MIER3: variants seen among roughly 807,000 people sequenced by gnomAD.
MIER3 encodes the protein MIER family member 3, also known as mesoderm induction early response protein 3.
In MIER3, 9 loss-of-function variants were observed where a neutral mutation model predicts 63.2. That is an observed-to-expected ratio of 0.14 (90% CI 0.09 to 0.25). MIER3 has a LOEUF of 0.25. Among genes scored for constraint, MIER3 ranks in the 10% least tolerant of loss-of-function variants. The probability of loss-of-function intolerance (pLI) is 1.00; values close to 1 mark genes in which losing one functional copy is unlikely to be tolerated. For missense variants in MIER3, 512 were observed against 666.2 expected, an observed-to-expected ratio of 0.77 and a Z score of 2.55; for synonymous variants, 205 against 224.9, an observed-to-expected ratio of 0.91 and a Z score of 0.79.
At position 56,939,368 on chromosome 5, in the gene MIER3, T is replaced by C. The variant is rs996974966; in HGVS notation, c.181-351A>G. Among the ~76,000 whole-genome samples the C allele has an allele frequency of 6.6e-5, 10 of 152,216 alleles. No homozygotes were observed. The East Asian group carries it at 1.9e-3, about 29-fold the overall frequency. ...ATTTCCAATTAATCAATCAATAACT[T>C]GTAATTCACAGCTTCTTTCCTTGCA... On this transcript the variant is annotated intron_variant, in intron 3 of 12. Transcript: ENST00000381199.
At chr5:56,935,404 A>G in intron 7 of MIER3, 24 bp downstream of exon 7, 1 of 1,544,132 alleles carries the variant, frequency 6.5e-7, no homozygotes, top group Non-Finnish European at 8.7e-7. Context: ...ACCAAACATT[A>G]TCAAAATCAA....
chr5:56,950,550 G>T, intron 2 of MIER3, 78 bp downstream of exon 2: 1 of 1,437,862 alleles, frequency 7.0e-7, no homozygotes, highest in Non-Finnish European at 9.7e-7. Flanking sequence ...CATTTCTATT[G>T]GGAATCCTTT....
chr5:56,925,314 A>C, intron 10 of MIER3: 1 of 454,558 alleles, frequency 2.2e-6, no homozygotes, highest in Non-Finnish European at 4.4e-6. Context: ...GGAAGAAATA[A>C]AACTGTCTCT....
intron 3 of MIER3, chr5:56,941,100 C>G: frequency 1.0e-6 from 1 of 985,414 alleles, no homozygotes; most frequent in South Asian, 4.7e-5. Context: ...ATGAAATTTA[C>G]TGAAGAATCC....
chr5:56,929,157 G>C (rs1051828675), intron 9 of MIER3: 2 of 236,254 alleles, frequency 8.5e-6, no homozygotes, highest in Non-Finnish European at 1.6e-5. Context: ...TCTATAACAT[G>C]CCTGTTTTTC....
At chr5:56,947,211 G>C in intron 2 of MIER3, 140 bp from the exon 3 acceptor site, 4 of 818,922 alleles carry the variant, frequency 4.9e-6, no homozygotes, top group Non-Finnish European at 7.2e-6. Flanking sequence ...TAATTTATAG[G>C]TTATAAATTA....
At position 56,949,338 on chromosome 5, in the gene MIER3, TCAAA is replaced by T. The variant is rs145411303; in HGVS notation, c.34+1286_34+1289del. Among the ~76,000 whole-genome samples the T allele has an allele frequency of 8.5e-3, 1,293 of 152,140 alleles. 10 individuals are homozygous for T. The highest frequency in any genetic ancestry group is 0.014 in the Non-Finnish European group (950 of 68,006). On this transcript the variant is annotated intron_variant, in intron 2 of 12. Transcript: ENST00000381199. The stretch of plus-strand genomic sequence containing the variant: ...ATTGCACTCCAGCCTGCATAACGTC[TCAAA>T]CAAACAAACAAAAAACAAAAAGAGG...
chr5:56,924,015 C>T lies in MIER3; in HGVS notation c.952G>A (p.Val318Ile), dbSNP rs1749826699. 5 of 1,613,806 alleles carry T rather than the reference C, an allele frequency of 3.1e-6. No homozygotes were observed. The highest frequency in any genetic ancestry group is 3.4e-6 in the Non-Finnish European group (4 of 1,179,950). ...KVRTRTVAEC[V>I]AFYYMWKKSE... ...TTCTTCCACATATAGTAGAATGCTACACACTCAGCAACTGTCCTAGTTCTC... is the reference window on the plus strand; with the variant it reads ...TTCTTCCACATATAGTAGAATGCTATACACTCAGCAACTGTCCTAGTTCTC... Residue 318 changes from valine to isoleucine, a missense_variant, in exon 11 of 13, where the codon GTA becomes ATA. Around this residue, in one of 5 missense-constraint regions of MIER3, gnomAD observed 34 missense variants for 86.3 expected, o/e 0.39. Coordinates refer to ENST00000381199, the MANE Select transcript of MIER3 (RefSeq NM_001297599.2).
chr5:56,938,749 A>T (rs1750539087), intron 4 of MIER3, 134 bp downstream of exon 4: 2 of 1,183,740 alleles, frequency 1.7e-6, no homozygotes, highest in South Asian at 3.1e-5. Context: ...CAAAGTTTAA[A>T]TCAGCCACCA....
chr5:56,936,362 G>C (rs368898281), intron 5 of MIER3, among the ~76,000 whole-genome samples: 2 of 152,066 alleles, frequency 1.3e-5, no homozygotes, highest in East Asian at 3.9e-4. Context: ...TACACACACA[G>C]AGTTGCATAT....
chr5:56,930,874 T>G, intron 8 of MIER3, 129 bp from the exon 9 acceptor site: 1 of 737,298 alleles, frequency 1.4e-6, no homozygotes, highest in South Asian at 1.7e-5. Context: ...TTCAGGGCAT[T>G]TGAAGGTATA....
At chr5:56,947,208 T>G (rs1750855270) in intron 2 of MIER3, 137 bp from the exon 3 acceptor site, 1 of 858,394 alleles carries the variant, frequency 1.2e-6, no homozygotes, top group Non-Finnish European at 1.7e-6. Flanking sequence ...ATATAATTTA[T>G]AGGTTATAAA....
intron 2 of MIER3, among the ~76,000 whole-genome samples, chr5:56,948,447 T>C (rs945074161): frequency 6.6e-6 from 1 of 152,160 alleles, no homozygotes; most frequent in Non-Finnish European, 1.5e-5. Flanking sequence ...GGGGATCACC[T>C]GAGGTCAGGA....
chr5:56,951,568 C>T (rs1379784479), intron 1 of MIER3, among the ~76,000 whole-genome samples: 4 of 152,168 alleles, frequency 2.6e-5, no homozygotes, highest in Admixed American at 6.5e-5. Context: ...CCGCTCTTCT[C>T]CGCGCCCCCA....
At chr5:56,947,256 C>G in intron 2 of MIER3, 185 bp from the exon 3 acceptor site, 1 of 540,112 alleles carries the variant, frequency 1.9e-6, no homozygotes, top group Non-Finnish European at 3.0e-6. Flanking sequence ...TCTAAATCAG[C>G]AAAATAACAA....
Position 56,939,123 on chromosome 5 carries a change from G to A in MIER3, c.181-106C>T. 3.2e-6 allele frequency: 4 copies of A among 1,235,432 alleles called. 1 individual carries two copies. Among genetic ancestry groups the A allele is most frequent in the Admixed American group, 5.5e-5 (2 of 36,590 alleles). 76.5% of individuals were successfully genotyped at this position (1,235,432 alleles called of 1,614,324 possible). ...CAGAAAGCACATTATCAAAACAGCAGAACAAATCAAAGGCAAGTTTCAGTT... is the reference window on the plus strand; with the variant it reads ...CAGAAAGCACATTATCAAAACAGCAAAACAAATCAAAGGCAAGTTTCAGTT... On this transcript the variant is annotated intron_variant, in intron 3 of 12. Transcript: ENST00000381199.
At chr5:56,935,572 T>A in intron 6 of MIER3, 72 bp from the exon 7 acceptor site, 1 of 1,502,616 alleles carries the variant, frequency 6.7e-7, no homozygotes, top group South Asian at 1.2e-5. Flanking sequence ...ATATCATTAA[T>A]CAGTTTCTAC....
intron 4 of MIER3, 136 bp downstream of exon 4, chr5:56,938,747 A>T: frequency 1.7e-6 from 2 of 1,158,880 alleles, no homozygotes; most frequent in Non-Finnish European, 2.4e-6. Flanking sequence ...AACAAAGTTT[A>T]AATCAGCCAC....
intron 3 of MIER3, among the ~76,000 whole-genome samples, chr5:56,944,553 T>C (rs1196556754): frequency 6.6e-6 from 1 of 152,066 alleles, no homozygotes; most frequent in African/African-American, 2.4e-5. Flanking sequence ...ATAATGCCAG[T>C]ATTCATCTGA....
Sources: gnomAD v4.1 joint callset for allele counts (sites outside exome capture counted in the v4.1 genomes callset) on GRCh38, gnomAD v4.1.1 for gene constraint, gnomAD v4.1.1 regional missense constraint, MANE v1.5 for transcripts, NCBI Gene and HGNC (gene_info 2026-07-23, HGNC 2026-07-21) for gene names.